ARHGEF33: variants seen among roughly 807,000 people sequenced by gnomAD.
ARHGEF33 encodes Rho guanine nucleotide exchange factor 33.
Under a neutral mutation model 101.9 loss-of-function variants are expected in ARHGEF33, and 72 were observed. The ratio of observed to expected loss-of-function variants is 0.71; its 90% CI spans 0.58 to 0.86. ARHGEF33 has a LOEUF of 0.86. Among genes scored for constraint, ARHGEF33 ranks in the 40% least tolerant of loss-of-function variants. The probability of loss-of-function intolerance (pLI) is 0.00; values close to 1 mark genes in which losing one functional copy is unlikely to be tolerated. For synonymous variants in ARHGEF33, 499 were observed against 442.5 expected, an observed-to-expected ratio of 1.13 and a Z score of -1.60; for missense variants, 1,169 against 1,111.3, an observed-to-expected ratio of 1.05 and a Z score of -0.74.
rs773005802 is a variant in ARHGEF33, at chr2:38,929,850, G to A, written c.362+20G>A. ...AGCCAAGTGAGTGTCTTTTAAAAAT[G>A]TACCAAAGGCAAACCCATAAGCAAT... On this transcript the variant is annotated intron_variant, in intron 6 of 17. Coordinates refer to ENST00000409978, the MANE Select transcript of ARHGEF33 (RefSeq NM_001145451.5). 3 of 1,549,826 alleles carry A rather than the reference G, an allele frequency of 1.9e-6. No individual in the cohort carries two copies. The highest frequency in any genetic ancestry group is 1.2e-5 in the South Asian group (1 of 83,920).
chr2:38,969,325 T>G (rs1378140582), intron 17 of ARHGEF33: 1 of 167,372 alleles, frequency 6.0e-6, no homozygotes, highest in African/African-American at 2.4e-5. Flanking sequence ...TTGTGTCATG[T>G]CTGGGGCTTG....
intron 3 of ARHGEF33, 35 bp from the exon 4 acceptor site, chr2:38,921,338 GT>G: frequency 7.7e-7 from 1 of 1,299,428 alleles, no homozygotes; most frequent in East Asian, 2.5e-5. Flanking sequence ...GACAGAATGA[GT>G]AGTGTTGATT....
intron 2 of ARHGEF33, among the ~76,000 whole-genome samples, chr2:38,916,598 A>G (rs1558426707): frequency 3.3e-5 from 5 of 152,216 alleles, no homozygotes; most frequent in Admixed American, 6.5e-5. Context: ...GAAAAATGTG[A>G]AAGAGTTTAA....
intron 11 of ARHGEF33, among the ~76,000 whole-genome samples, chr2:38,952,683 C>A (rs1030741726): frequency 2.0e-5 from 3 of 151,782 alleles, no homozygotes; most frequent in Non-Finnish European, 2.9e-5. Flanking sequence ...ACCTTAAAAC[C>A]AAAATTTTTT....
intron 9 of ARHGEF33, among the ~76,000 whole-genome samples, chr2:38,941,109 A>C (rs936825336): frequency 2.6e-5 from 4 of 152,232 alleles, no homozygotes; most frequent in African/African-American, 7.2e-5. Context: ...TCATTTAACT[A>C]TGCCTACATC....
rs373744521 is a variant in ARHGEF33 at position 38,922,514 on chromosome 2, C to T, written c.75+1091C>T. ...ACTAGGGCAAGTCAACACAGGATTA[C>T]GAAAACATTATTTAACCATATTGTC... is the stretch of plus-strand genomic sequence containing the variant. On this transcript the variant is annotated intron_variant, in intron 4 of 17. Transcript: ENST00000409978. 5.3e-5 allele frequency among the ~76,000 whole-genome samples: 8 copies of T among 152,234 alleles called. No individual in the cohort carries two copies. The South Asian group carries it at 1.0e-3, about 20-fold the overall frequency.
At chr2:38,966,851 G>A (rs960577805) in intron 17 of ARHGEF33, among the ~76,000 whole-genome samples, 2 of 152,232 alleles carry the variant, frequency 1.3e-5, no homozygotes, top group African/African-American at 4.8e-5. Flanking sequence ...GGAAGAGAGA[G>A]GTGAGCATTA....
Position 38,889,947 on chromosome 2 carries a change from C to G in ARHGEF33, c.-198C>G. 2.1e-6 allele frequency: 1 copy of G among 470,748 alleles called. No individual in the cohort carries two copies. The highest frequency in any genetic ancestry group is 4.4e-6 in the Non-Finnish European group (1 of 226,872). The allele number at this position is 470,748 out of a possible 1,614,324, so 29.2% of individuals were successfully genotyped here. A position where few individuals can be genotyped will look rare whatever the true frequency, so the allele number is the denominator to read the frequency against. On this transcript the variant is annotated 5_prime_UTR_variant, in exon 1 of 18. Coordinates refer to ENST00000409978, the MANE Select transcript of ARHGEF33 (RefSeq NM_001145451.5). ...AAGTTAATTCAGAACCCAGATAAGC[C>G]TTGATCTGAGGATGATATAACCACC...
At chr2:38,904,100 T>C (rs1460592718) in intron 2 of ARHGEF33, among the ~76,000 whole-genome samples, 2 of 152,038 alleles carry the variant, frequency 1.3e-5, no homozygotes, top group Non-Finnish European at 2.9e-5. Context: ...AGTAGAAAAA[T>C]TTGTTTTGAT....
Position 38,973,932 on chromosome 2 carries a change from CTATATA to C in ARHGEF33, c.*101_*106del, listed in dbSNP as rs141703594. ...TAGGAATATATATATATATCTATAT[CTATATA>C]TATATATATATCGATGTATAAATCC... On this transcript the variant is annotated 3_prime_UTR_variant, in exon 18 of 18. Coordinates refer to ENST00000409978, the MANE Select transcript of ARHGEF33 (RefSeq NM_001145451.5). The C allele has an allele frequency of 1.6e-5, 10 of 636,108 alleles. No individual in the cohort carries two copies. The highest frequency in any genetic ancestry group is 4.1e-5 in the African/African-American group (2 of 49,370). 39.4% of individuals were successfully genotyped at this position (636,108 alleles called of 1,614,324 possible). A position where few individuals can be genotyped will look rare whatever the true frequency, so the allele number is the denominator to read the frequency against.
Position 38,937,436 on chromosome 2 carries a change from C to T in ARHGEF33, c.667C>T (p.Pro223Ser). Residue 223 changes from proline (P) to serine (S), a missense_variant, in exon 9 of 18, where the codon CCT (proline) becomes TCT (serine). Pro to Ser is a moderately conservative substitution (Grantham distance 74, BLOSUM62 -1). Transcript: ENST00000409978. ...TCTCCCATCTGGCATGTGGAGGCAG[C>T]CTAAGGATGGTAAAGAATGGGGTGA... ...GHLPSGMWRQ[P>S]KDGKEWGEEY... 2 of 1,548,988 alleles carry T rather than the reference C, an allele frequency of 1.3e-6. No homozygotes were observed. Among genetic ancestry groups the T allele is most frequent in the East Asian group, 2.4e-5 (1 of 40,832 alleles).
Position 38,960,444 on chromosome 2 carries a change from GCGTGCGCCGCCAGC to G in ARHGEF33, c.2142_2155del (p.Ala715ArgfsTer81). The G allele has an allele frequency of 6.7e-7, 1 of 1,496,960 alleles. No homozygotes were observed. The highest frequency in any genetic ancestry group is 8.8e-7 in the Non-Finnish European group (1 of 1,129,996). 92.7% of individuals were successfully genotyped at this position (1,496,960 alleles called of 1,614,324 possible). A position where few individuals can be genotyped will look rare whatever the true frequency, so the allele number is the denominator to read the frequency against. ...TGAGCCGCTCTCTCAAAGAGTTCCC[GCGTGCGCCGCCAGC>G]CGACGGCGTGGCCCCACGCCTCTAC... On this transcript the variant is annotated frameshift_variant, in exon 16 of 18. Coordinates refer to ENST00000409978, the MANE Select transcript of ARHGEF33 (RefSeq NM_001145451.5). LOFTEE classifies it high-confidence loss of function.
intron 2 of ARHGEF33, among the ~76,000 whole-genome samples, chr2:38,900,479 T>A (rs190857642): frequency 6.6e-6 from 1 of 152,316 alleles, no homozygotes; most frequent in East Asian, 1.9e-4. Flanking sequence ...CATCTGCACA[T>A]GTATATCACA....
chr2:38,906,951 C>T (rs1289266742), intron 2 of ARHGEF33, among the ~76,000 whole-genome samples: 1 of 151,860 alleles, frequency 6.6e-6, no homozygotes, highest in Admixed American at 6.6e-5. Context: ...CCCCCTGTCT[C>T]AAAAAAAGAT....
chr2:38,948,106 A>AG (rs1667497445), intron 10 of ARHGEF33, among the ~76,000 whole-genome samples: 1 of 152,022 alleles, frequency 6.6e-6, no homozygotes, highest in South Asian at 2.1e-4. Context: ...AAAAAAAAAA[A>AG]GCTGAGCTCT....
At chr2:38,905,186 A>G (rs1666363538) in intron 2 of ARHGEF33, among the ~76,000 whole-genome samples, 1 of 150,470 alleles carries the variant, frequency 6.6e-6, no homozygotes, top group African/African-American at 2.4e-5. Flanking sequence ...ATTTAGCCGA[A>G]AAAAAAAAAG....
At chr2:38,907,424 C>G (rs547333881) in intron 2 of ARHGEF33, among the ~76,000 whole-genome samples, 10 of 152,290 alleles carry the variant, frequency 6.6e-5, no homozygotes, top group African/African-American at 2.2e-4. Flanking sequence ...GTCATTTCAT[C>G]TGAACTATGA....
intron 2 of ARHGEF33, among the ~76,000 whole-genome samples, chr2:38,912,125 C>A (rs746158107): frequency 6.6e-6 from 1 of 152,212 alleles, no homozygotes; most frequent in East Asian, 1.9e-4. Context: ...ACATTATTTT[C>A]CCCAGTGTCC....
At chr2:38,926,924 A>G (rs925940486) in intron 4 of ARHGEF33, among the ~76,000 whole-genome samples, 1 of 152,162 alleles carries the variant, frequency 6.6e-6, no homozygotes, top group Non-Finnish European at 1.5e-5. Context: ...TTATATAGCC[A>G]TCAATTTTGT....
Sources: gnomAD v4.1 joint callset for allele counts (sites outside exome capture counted in the v4.1 genomes callset) on GRCh38, gnomAD v4.1.1 for gene constraint, MANE v1.5 for transcripts, NCBI Gene and HGNC (gene_info 2026-07-23, HGNC 2026-07-21) for gene names.